The following DIAPH2 variants were observed in gnomAD, a reference collection of about 807,000 sequenced individuals.
The protein encoded by DIAPH2 is protein diaphanous homolog 2.
In DIAPH2, 35 loss-of-function variants were observed where a neutral mutation model predicts 92.7. The ratio of observed to expected loss-of-function variants is 0.38; its 90% confidence interval spans 0.29 to 0.50. The LOEUF (loss-of-function observed/expected upper bound fraction) is 0.50, where lower values mean the gene tolerates loss of function less well. Among genes scored for constraint, DIAPH2 ranks in the 20% least tolerant of loss-of-function variants. The probability of loss-of-function intolerance (pLI) is 0.94; values close to 1 mark genes in which losing one functional copy is unlikely to be tolerated. For synonymous variants in DIAPH2, 301 were observed against 280.4 expected, an observed-to-expected ratio of 1.07 and a Z score of -0.73; for missense variants, 701 against 819.5, an observed-to-expected ratio of 0.86 and a Z score of 1.77.
chrX:97,037,793 C>A (rs1185891726), intron 17 of DIAPH2, among the ~76,000 whole-genome samples: 2 of 111,341 alleles, frequency 1.8e-5, no homozygotes, highest in Non-Finnish European at 3.8e-5. Flanking sequence ...TAATATTCTG[C>A]AAATACATGA....
At chrX:97,429,831 AAAAAT>A in intron 26 of DIAPH2, 86 bp downstream of exon 26, 1 of 904,974 alleles carries the variant, frequency 1.1e-6, no homozygotes, top group East Asian at 3.4e-5. Flanking sequence ...AAGGAAAAAT[AAAAAT>A]ACTTCCTCAT....
intron 25 of DIAPH2, among the ~76,000 whole-genome samples, chrX:97,422,671 A>G (rs2070021671): frequency 8.9e-6 from 1 of 112,041 alleles, no homozygotes; most frequent in Admixed American, 9.5e-5. Context: ...AATGATTTTT[A>G]TAGTATTGGC....
intron 23 of DIAPH2, among the ~76,000 whole-genome samples, chrX:97,278,063 C>T (rs1176763671): frequency 8.9e-6 from 1 of 112,024 alleles, no homozygotes; most frequent in African/African-American, 3.2e-5. Context: ...CTAGGGTGGT[C>T]TCAATCTCTT....
intron 20 of DIAPH2, among the ~76,000 whole-genome samples, chrX:97,110,662 G>A (rs1336807895): frequency 8.9e-6 from 1 of 111,758 alleles, no homozygotes; most frequent in African/African-American, 3.3e-5. Context: ...TCTTGAATGG[G>A]AAAATAAGAG....
chrX:97,475,941 A>G (rs950065435), intron 26 of DIAPH2, among the ~76,000 whole-genome samples: 2 of 112,018 alleles, frequency 1.8e-5, no homozygotes, highest in African/African-American at 6.5e-5. Context: ...AAGGCACTCT[A>G]CTTGAGTCAT....
chrX:97,361,153 A>G (rs2069322270), intron 24 of DIAPH2, among the ~76,000 whole-genome samples: 4 of 108,723 alleles, frequency 3.7e-5, no homozygotes, highest in Admixed American at 3.0e-4. Flanking sequence ...CAGCCTCCCA[A>G]AGTGTTGGAA....
At chrX:97,382,485 C>T (rs2069559786) in intron 24 of DIAPH2, among the ~76,000 whole-genome samples, 1 of 111,994 alleles carries the variant, frequency 8.9e-6, no homozygotes, top group Non-Finnish European at 1.9e-5. Flanking sequence ...TGCTGCTAAA[C>T]ATCCCACAAC....
chrX:96,973,370 C>T (rs2065939215), intron 17 of DIAPH2, among the ~76,000 whole-genome samples: 1 of 110,859 alleles, frequency 9.0e-6, no homozygotes, highest in African/African-American at 3.3e-5. Flanking sequence ...TGGTGATATG[C>T]ACCTGGAGTC....
chrX:97,528,399 G>T (rs1310611065), intron 26 of DIAPH2: 1 of 112,337 alleles, frequency 8.9e-6, no homozygotes, highest in East Asian at 2.8e-4. Context: ...TTGGTTTACG[G>T]TTCTGCAGAC....
intron 24 of DIAPH2, among the ~76,000 whole-genome samples, chrX:97,363,502 CAA>C (rs200331673): frequency 3.4e-5 from 3 of 87,109 alleles, no homozygotes; most frequent in African/African-American, 4.1e-5. Context: ...ACTAAAAATA[CAA>C]AAAAAAAAAA....
chrX:97,328,780 C>T (rs777588825), intron 23 of DIAPH2, among the ~76,000 whole-genome samples: 48 of 110,623 alleles, frequency 4.3e-4, no homozygotes, highest in Non-Finnish European at 7.4e-4. Flanking sequence ...AATATATATA[C>T]TTCTTATATT....
At chrX:96,882,983 A>AC (rs2065228582) in intron 5 of DIAPH2, among the ~76,000 whole-genome samples, 1 of 51,400 alleles carries the variant, frequency 1.9e-5, no homozygotes, top group Non-Finnish European at 6.1e-5. Flanking sequence ...AAAAAAAAAA[A>AC]CAAAAAAACA....
intron 21 of DIAPH2, among the ~76,000 whole-genome samples, chrX:97,120,028 G>A (rs1266373121): frequency 8.9e-6 from 1 of 111,835 alleles, no homozygotes; most frequent in Non-Finnish European, 1.9e-5. Context: ...TCTACACAGC[G>A]GATTCACGCC....
intron 5 of DIAPH2, among the ~76,000 whole-genome samples, chrX:96,883,302 A>C (rs2065232004): frequency 9.0e-6 from 1 of 111,697 alleles, no homozygotes; most frequent in African/African-American, 3.2e-5. Context: ...GATGTGACTT[A>C]TCTTAGAGTA....
intron 4 of DIAPH2, among the ~76,000 whole-genome samples, chrX:96,825,844 C>T (rs891903309): frequency 1.8e-5 from 2 of 111,176 alleles, no homozygotes; most frequent in Admixed American, 1.9e-4. Context: ...CCTTATCTAT[C>T]AGTTCCTGAG....
At chrX:96,936,209 T>C (rs1424388801) in intron 10 of DIAPH2, among the ~76,000 whole-genome samples, 2 of 111,746 alleles carry the variant, frequency 1.8e-5, no homozygotes. Context: ...TGTATGTGAG[T>C]GTTAGAAAAA....
chrX:97,001,959 G>A (rs965537197), intron 17 of DIAPH2, among the ~76,000 whole-genome samples: 1 of 110,113 alleles, frequency 9.1e-6, no homozygotes, highest in African/African-American at 3.3e-5. Flanking sequence ...AACAGAATGA[G>A]CATCCCAAGA....
chrX:97,222,510 T>C, intron 22 of DIAPH2, among the ~76,000 whole-genome samples: 1 of 111,660 alleles, frequency 9.0e-6, no homozygotes, highest in Non-Finnish European at 1.9e-5. Flanking sequence ...GGCCCAAGTC[T>C]AGATTATTGA....
chrX:97,311,368 A>G (rs1480778519), intron 23 of DIAPH2, among the ~76,000 whole-genome samples: 1 of 111,835 alleles, frequency 8.9e-6, no homozygotes, highest in Admixed American at 9.6e-5. Context: ...AAGATAGGAC[A>G]GTTGCAATAA....
Sources: allele counts gnomAD v4.1 joint callset (sites outside exome capture counted in the v4.1 genomes callset), GRCh38; gene constraint gnomAD v4.1.1; transcripts MANE v1.5; gene names NCBI Gene and HGNC (gene_info 2026-07-23, HGNC 2026-07-21).